The following KDM4C variants were observed in gnomAD, a reference collection of about 807,000 sequenced individuals.
KDM4C encodes lysine demethylase 4C.
In KDM4C, 81 loss-of-function variants were observed where a neutral mutation model predicts 129.3. That is an observed-to-expected ratio of 0.63 (90% CI 0.52 to 0.75). The LOEUF (loss-of-function observed/expected upper bound fraction) is 0.75, where lower values mean the gene tolerates loss of function less well. Among genes scored for constraint, KDM4C ranks in the 30% least tolerant of loss-of-function variants. The pLI, the probability that KDM4C is intolerant of heterozygous loss-of-function variation, is 0.00. For missense variants in KDM4C, 1,457 were observed against 1,304.0 expected, an observed-to-expected ratio of 1.12 and a Z score of -1.81; for synonymous variants, 573 against 456.1, an observed-to-expected ratio of 1.26 and a Z score of -3.26.
chr9:6,755,029 G>C (rs534260587), upstream of KDM4C, among the ~76,000 whole-genome samples: 2 of 151,986 alleles, frequency 1.3e-5, no homozygotes, highest in East Asian at 3.9e-4. Context: ...CTTGAGCTCA[G>C]GAGTTTGAGA....
chr9:6,962,167 GCATGTATGTACA>G (rs1052895017), intron 8 of KDM4C, among the ~76,000 whole-genome samples: 23 of 152,284 alleles, frequency 1.5e-4, no homozygotes, highest in Admixed American at 3.9e-4. Context: ...ATTTGATTAG[GCATGTATGTACA>G]CATTTAAATA....
intron 17 of KDM4C, among the ~76,000 whole-genome samples, chr9:7,050,619 T>TA (rs1174191742): frequency 6.6e-5 from 10 of 152,114 alleles, no homozygotes; most frequent in Admixed American, 6.6e-4. Flanking sequence ...AAGTAATAGA[T>TA]ATTTGTCAAA....
intron 17 of KDM4C, among the ~76,000 whole-genome samples, chr9:7,101,816 A>C (rs1837126008): frequency 1.5e-5 from 2 of 132,842 alleles, no homozygotes; most frequent in African/African-American, 5.3e-5. Flanking sequence ...CCTTTCATAT[A>C]CCTGTCAATA....
At chr9:6,969,859 C>CT (rs1257503934) in intron 8 of KDM4C, among the ~76,000 whole-genome samples, 19 of 152,214 alleles carry the variant, frequency 1.2e-4, no homozygotes, top group African/African-American at 4.6e-4. Flanking sequence ...GGACTACCTA[C>CT]TTGACATTTC....
chr9:7,112,806 A>G (rs1375981753), intron 18 of KDM4C, among the ~76,000 whole-genome samples: 1 of 152,118 alleles, frequency 6.6e-6, no homozygotes, highest in African/African-American at 2.4e-5. Flanking sequence ...TTTAGCTAAC[A>G]CTTATCTCAC....
intron 18 of KDM4C, among the ~76,000 whole-genome samples, chr9:7,125,873 T>C (rs1315383615): frequency 6.6e-6 from 1 of 152,176 alleles, no homozygotes; most frequent in Non-Finnish European, 1.5e-5. Flanking sequence ...TCAGAGTTGA[T>C]ACCTGAGCTT....
chr9:6,746,999 G>A (rs1365824616), intron 1 of KDM4C, among the ~76,000 whole-genome samples: 4 of 82,348 alleles, frequency 4.9e-5, no homozygotes, highest in Admixed American at 1.7e-4. Context: ...GCTAGACTCC[G>A]TCTCAAAAAA....
chr9:7,106,795 A>G (rs10976040), intron 18 of KDM4C, among the ~76,000 whole-genome samples: 33,761 of 152,142 alleles, frequency 0.22, 4,878 homozygotes, highest in Middle Eastern at 0.48. Context: ...GTGCCCAGCT[A>G]ATTATTTTAA....
At chr9:7,014,057 T>C in intron 14 of KDM4C, 56 bp downstream of exon 14, 1 of 1,449,354 alleles carries the variant, frequency 6.9e-7, no homozygotes, top group South Asian at 1.2e-5. Flanking sequence ...ACATCATCTT[T>C]ATTTCTCACT....
At chr9:6,766,832 A>G (rs1204691912) in intron 1 of KDM4C, among the ~76,000 whole-genome samples, 1 of 152,090 alleles carries the variant, frequency 6.6e-6, no homozygotes, top group East Asian at 1.9e-4. Context: ...GCTTATCAGA[A>G]CATTCTTCTC....
intron 3 of KDM4C, among the ~76,000 whole-genome samples, chr9:6,810,503 T>C (rs1830952127): frequency 6.6e-6 from 1 of 152,358 alleles, no homozygotes; most frequent in East Asian, 1.9e-4. Flanking sequence ...TTTTTGGTTT[T>C]TTTTAAGTTG....
intron 19 of KDM4C, among the ~76,000 whole-genome samples, chr9:7,157,745 A>C (rs962222959): frequency 2.0e-5 from 3 of 152,126 alleles, no homozygotes; most frequent in African/African-American, 7.2e-5. Context: ...GAGCTGCTGG[A>C]TTCGGTTTGC....
chr9:6,830,915 G>GA (rs1834704412), intron 4 of KDM4C, among the ~76,000 whole-genome samples: 1 of 152,084 alleles, frequency 6.6e-6, no homozygotes, highest in African/African-American at 2.4e-5. Flanking sequence ...GAAACTGAAG[G>GA]AAAAATCACA....
intron 4 of KDM4C, chr9:6,835,393 A>C: frequency 8.9e-7 from 1 of 1,123,470 alleles, no homozygotes. Flanking sequence ...CAGGATGCAG[A>C]AGGAGATCAC....
At chr9:7,136,993 TATTTTTTAA>T (rs1323346393) in intron 19 of KDM4C, among the ~76,000 whole-genome samples, 1 of 152,258 alleles carries the variant, frequency 6.6e-6, no homozygotes, top group Non-Finnish European at 1.5e-5. Flanking sequence ...GAGATTTATT[TATTTTTTAA>T]ATAAATCAGA....
intron 4 of KDM4C, among the ~76,000 whole-genome samples, chr9:6,820,882 C>G (rs192451453): frequency 1.3e-5 from 2 of 151,298 alleles, no homozygotes; most frequent in Non-Finnish European, 2.9e-5. Flanking sequence ...CCCCCCAACC[C>G]CCGACAGGCC....
chr9:6,942,801 A>G (rs1235291960), intron 8 of KDM4C, among the ~76,000 whole-genome samples: 2 of 152,336 alleles, frequency 1.3e-5, no homozygotes, highest in East Asian at 3.9e-4. Context: ...CAAGGAATAT[A>G]GAAGGAAGCA....
chr9:7,048,292 G>A (rs909036773), intron 16 of KDM4C, among the ~76,000 whole-genome samples: 2 of 152,044 alleles, frequency 1.3e-5, no homozygotes, highest in African/African-American at 2.4e-5. Context: ...ATCGATACTT[G>A]TTCTCTCTTC....
At chr9:6,925,173 G>C (rs532629770) in intron 8 of KDM4C, 38 of 985,354 alleles carry the variant, frequency 3.9e-5, no homozygotes, top group Middle Eastern at 5.2e-4. Flanking sequence ...TTATCATCGT[G>C]CGTAAACATC....
Sources: gnomAD v4.1 joint callset for allele counts (sites outside exome capture counted in the v4.1 genomes callset) on GRCh38, gnomAD v4.1.1 for gene constraint, MANE v1.5 for transcripts, NCBI Gene and HGNC (gene_info 2026-07-23, HGNC 2026-07-21) for gene names.